The following PSPC1 variants were observed in gnomAD, a reference collection of about 807,000 sequenced individuals.
PSPC1 encodes paraspeckle component 1, also known as paraspeckle protein 1.
In PSPC1, 14 loss-of-function variants were observed where a neutral mutation model predicts 51.6. The observed-to-expected ratio is 0.27, with a 90% CI of 0.18 to 0.42. The LOEUF (loss-of-function observed/expected upper bound fraction) is 0.42. Among genes scored for constraint, PSPC1 ranks in the 10% least tolerant of loss-of-function variants. PSPC1 has a pLI of 1.00. For synonymous variants in PSPC1, 193 were observed against 231.9 expected (o/e 0.83, Z 1.53); for missense variants, 406 against 701.1 (o/e 0.58, Z 4.75).
rs1890037382 is a variant in PSPC1, at chr13:19,782,115, G to A, written c.372+271C>T. On this transcript the variant is annotated intron_variant, in intron 1 of 8. Coordinates refer to ENST00000338910, the MANE Select transcript of PSPC1 (RefSeq NM_001354909.2). The surrounding 1 kb of genome is among the most constrained non-coding windows in gnomAD (Gnocchi z 4.5). The stretch of plus-strand genomic sequence containing the variant: ...ACCATGCCCGATCCAGCGCAGGGCA[G>A]CAGGCCTGCAGCCACCGCAAAGCAC... Among the ~76,000 whole-genome samples, 1 of 152,364 alleles carries A rather than the reference G, an allele frequency of 6.6e-6. No homozygotes were observed. The highest frequency in any genetic ancestry group is 1.5e-5 in the Non-Finnish European group (1 of 68,042).
intron 6 of PSPC1, among the ~76,000 whole-genome samples, chr13:19,679,716 T>G (rs1023861054): frequency 6.6e-6 from 1 of 152,162 alleles, no homozygotes; most frequent in South Asian, 2.1e-4. Flanking sequence ...AACTTCAGGA[T>G]CTGCAGATTT....
chr13:19,683,344 G>A (rs1877497238), intron 6 of PSPC1, among the ~76,000 whole-genome samples: 1 of 152,164 alleles, frequency 6.6e-6, no homozygotes, highest in Non-Finnish European at 1.5e-5. Flanking sequence ...TGAGAACCAC[G>A]TACTGATAAA....
chr13:19,701,606 C>A (rs933095923), downstream of PSPC1, among the ~76,000 whole-genome samples: 1 of 152,062 alleles, frequency 6.6e-6, no homozygotes, highest in Non-Finnish European at 1.5e-5. Context: ...TGAAAGAGTA[C>A]GTATGAAAAT....
chr13:19,709,703 T>C, intron 6 of PSPC1, 104 bp from the exon 7 acceptor site: 1 of 1,092,672 alleles, frequency 9.2e-7, no homozygotes, highest in African/African-American at 1.6e-5. Flanking sequence ...TCATTTTTCA[T>C]TAAAAATTTT....
chr13:19,672,015 T>C, downstream of PSPC1: 1 of 807,780 alleles, frequency 1.2e-6, no homozygotes, highest in Non-Finnish European at 2.0e-6. Flanking sequence ...TCTGTTGTAG[T>C]CTGTAAGATG....
intron 6 of PSPC1, among the ~76,000 whole-genome samples, chr13:19,693,739 T>G (rs1445421570): frequency 1.3e-5 from 2 of 152,168 alleles, no homozygotes; most frequent in Admixed American, 6.5e-5. Flanking sequence ...TCCTGAGAAC[T>G]TCGTGCTCCA....
At chr13:19,729,348 C>G (rs1439287995) in intron 6 of PSPC1, among the ~76,000 whole-genome samples, 2 of 151,836 alleles carry the variant, frequency 1.3e-5, no homozygotes, top group African/African-American at 4.8e-5. Flanking sequence ...ACCAGCCTGG[C>G]CAATATAGTG....
chr13:19,672,191 C>G, downstream of PSPC1: 1 of 271,148 alleles, frequency 3.7e-6, no homozygotes, highest in East Asian at 7.4e-5. Context: ...GTTGCCCAGG[C>G]TGGAGTGCAA....
In PSPC1 at chr13:19,782,893, G is replaced by C; in HGVS notation, c.-136C>G. On this transcript the variant is annotated 5_prime_UTR_variant, in exon 1 of 9. Transcript: ENST00000338910. This position sits in a 1 kb window ranked among gnomAD's most constrained non-coding sequence, Gnocchi z 4.5. The stretch of plus-strand genomic sequence containing the variant: ...AAGAGACCGCTAGGTAGGCGAGTCG[G>C]CAACCCGTCCTCCCCCAACTCACGC... 1 of 1,033,118 alleles carries C rather than the reference G, an allele frequency of 9.7e-7. No individual in the cohort carries two copies. The highest frequency in any genetic ancestry group is 1.3e-6 in the Non-Finnish European group (1 of 774,104). 64.0% of individuals were successfully genotyped at this position (1,033,118 alleles called of 1,614,324 possible). A position where few individuals can be genotyped will look rare whatever the true frequency, so the allele number is the denominator to read the frequency against.
chr13:19,757,129 CAAAAAAA>C (rs56303316), intron 3 of PSPC1, among the ~76,000 whole-genome samples: 2 of 110,042 alleles, frequency 1.8e-5, no homozygotes, highest in African/African-American at 3.4e-5. Context: ...GACTCCGTCT[CAAAAAAA>C]AAAAAAAAAA....
intron 6 of PSPC1, among the ~76,000 whole-genome samples, chr13:19,684,205 T>C (rs931274954): frequency 6.6e-6 from 1 of 152,196 alleles, no homozygotes; most frequent in Non-Finnish European, 1.5e-5. Context: ...TGTGATCACA[T>C]GAATTTCTCA....
In PSPC1 at chr13:19,773,318, C is replaced by T. The variant is rs1223675903; in HGVS notation, c.373-775G>A. ...GGGCTAGAGTACAATGGCGTAATCT[C>T]GGCTCACTGTAACCTCTGCCTCCTG... On this transcript the variant is annotated intron_variant, in intron 1 of 8. Transcript: ENST00000338910. 4.1e-5 allele frequency among the ~76,000 whole-genome samples: 6 copies of T among 147,512 alleles called. 1 individual carries two copies. Among genetic ancestry groups the T allele is most frequent in the Admixed American group, 2.7e-4 (4 of 14,628 alleles).
intron 3 of PSPC1, among the ~76,000 whole-genome samples, chr13:19,752,666 AC>A (rs1886680723): frequency 6.6e-6 from 1 of 151,820 alleles, no homozygotes; most frequent in African/African-American, 2.4e-5. Flanking sequence ...GCTCACTGCA[AC>A]CTTCGCCTCC....
rs752171206 is a variant in PSPC1, at chr13:19,703,133, A to G, written c.*42T>C. 6.9e-6 allele frequency: 11 copies of G among 1,592,360 alleles called. No homozygotes were observed. The highest frequency in any genetic ancestry group is 9.5e-6 in the Non-Finnish European group (11 of 1,162,430). The stretch of plus-strand genomic sequence containing the variant: ...ACAGGTAAAAGTATAAAGGCATACC[A>G]CTGACTTTTTTTTTTCTAGATAGCC... On this transcript the variant is annotated 3_prime_UTR_variant, in exon 9 of 9. Transcript: ENST00000338910.
Position 19,764,662 on chromosome 13 carries a change from G to C in PSPC1, c.675-5244C>G, listed in dbSNP as rs571992420. Among the ~76,000 whole-genome samples the C allele has an allele frequency of 2.4e-3, 288 of 118,192 alleles. 1 individual carries two copies. Among genetic ancestry groups the C allele is most frequent in the African/African-American group, 8.4e-3 (275 of 32,610 alleles). 77.5% of individuals were successfully genotyped at this position (118,192 alleles called of 152,430 possible). On this transcript the variant is annotated intron_variant, in intron 2 of 8. Transcript: ENST00000338910. ...GATCGTGCCACTGCACTCCAACCTG[G>C]GTAAGAGCAGAACTTGCCTTAAAAA... is the stretch of plus-strand genomic sequence containing the variant.
intron 2 of PSPC1, among the ~76,000 whole-genome samples, chr13:19,764,035 G>T (rs540619216): frequency 5.3e-5 from 8 of 152,000 alleles, no homozygotes; most frequent in Admixed American, 1.3e-4. Flanking sequence ...TTTTTCAGGG[G>T]GTAAGAGAGA....
chr13:19,684,510 A>G (rs1158876312), intron 6 of PSPC1, among the ~76,000 whole-genome samples: 1 of 152,270 alleles, frequency 6.6e-6, no homozygotes. Context: ...ATAATATTCA[A>G]TAGTTTATTT....
intron 6 of PSPC1, among the ~76,000 whole-genome samples, chr13:19,723,926 A>G (rs1178474899): frequency 1.3e-5 from 2 of 152,206 alleles, no homozygotes; most frequent in African/African-American, 4.8e-5. Context: ...TTTCACCAAC[A>G]TGTCCAAACC....
In PSPC1 at chr13:19,782,603, G is replaced by A; in HGVS notation, c.155C>T (p.Pro52Leu). 3 of 1,580,888 alleles carry A rather than the reference G, an allele frequency of 1.9e-6. No individual in the cohort carries two copies. Among genetic ancestry groups the A allele is most frequent in the Non-Finnish European group, 1.7e-6 (2 of 1,166,910 alleles). Residue 52 changes from proline to leucine, a missense_variant, in exon 1 of 9, where the codon CCT becomes CTT. By Grantham distance (98) the Pro-to-Leu change is moderately conservative. Coordinates refer to ENST00000338910, the MANE Select transcript of PSPC1 (RefSeq NM_001354909.2). The surrounding 1 kb of genome is among the most constrained non-coding windows in gnomAD (Gnocchi z 4.5). ...CTCCTCGTCCGGGTGGTCCTCTGGAGGCGCGGGCGCGGGCGGTGCCGGCTC... is the reference window on the plus strand; with the variant it reads ...CTCCTCGTCCGGGTGGTCCTCTGGAAGCGCGGGCGCGGGCGGTGCCGGCTC... ...AGEPAPPAPA[P>L]PEDHPDEEMG...
Sources: allele counts gnomAD v4.1 joint callset (sites outside exome capture counted in the v4.1 genomes callset), GRCh38; gene constraint gnomAD v4.1.1; non-coding constraint Gnocchi (gnomAD v3.1); transcripts MANE v1.5; gene names NCBI Gene and HGNC (gene_info 2026-07-23, HGNC 2026-07-21).